DMD: variants seen among roughly 807,000 people sequenced by gnomAD.
The protein encoded by DMD is mutant dystrophin.
Under a neutral mutation model 330.1 loss-of-function variants are expected in DMD, and 63 were observed. That is an observed-to-expected ratio of 0.19 (90% CI 0.16 to 0.24). The LOEUF (loss-of-function observed/expected upper bound fraction) is 0.24. DMD is among the 10% of genes least tolerant of loss of function. The pLI, the probability that DMD is intolerant of heterozygous loss-of-function variation, is 1.00. For synonymous variants in DMD, 1,223 were observed against 959.8 expected (o/e 1.27, Z -5.07); for missense variants, 3,344 against 2,684.1 (o/e 1.25, Z -5.43).
At chrX:32,091,084 G>A (rs996377598) in intron 44 of DMD, among the ~76,000 whole-genome samples, 10 of 111,999 alleles carry the variant, frequency 8.9e-5, no homozygotes, top group South Asian at 3.7e-4. Flanking sequence ...ACACACTTGC[G>A]GCGTAGCAGC....
chrX:32,517,102 G>A (rs915919160), intron 18 of DMD: 2 of 111,210 alleles, frequency 1.8e-5, no homozygotes, highest in East Asian at 2.8e-4. Flanking sequence ...AGGTAATGTC[G>A]TATTTGTAAA....
intron 32 of DMD, among the ~76,000 whole-genome samples, chrX:32,388,923 T>C (rs1281626704): frequency 8.9e-6 from 1 of 111,805 alleles, no homozygotes; most frequent in East Asian, 2.8e-4. Context: ...ATTTATACTT[T>C]AGGCTATTTG....
At chrX:31,211,332 T>C (rs533897580) in intron 64 of DMD, among the ~76,000 whole-genome samples, 4 of 111,843 alleles carry the variant, frequency 3.6e-5, no homozygotes, top group Admixed American at 2.8e-4. Context: ...GTGCACGTAG[T>C]AGGAACACTT....
chrX:32,978,204 T>C (rs147012615), intron 2 of DMD, among the ~76,000 whole-genome samples: 1,739 of 112,088 alleles, frequency 0.016, 41 homozygotes, highest in African/African-American at 0.053. Flanking sequence ...AACACAATTA[T>C]CTTTGAAGAA....
At chrX:32,289,805 T>G (rs978165210) in intron 42 of DMD, among the ~76,000 whole-genome samples, 2 of 111,487 alleles carry the variant, frequency 1.8e-5, no homozygotes, top group Non-Finnish European at 3.8e-5. Context: ...AATTGCTGAC[T>G]CCTTTTCCCA....
chrX:32,227,893 G>A (rs1232018202), intron 43 of DMD, among the ~76,000 whole-genome samples: 1 of 110,890 alleles, frequency 9.0e-6, no homozygotes, highest in East Asian at 2.8e-4. Context: ...ATCTGTGGAG[G>A]AGGACGCTGT....
At chrX:31,228,611 G>T (rs190480532) in intron 63 of DMD, among the ~76,000 whole-genome samples, 23 of 111,943 alleles carry the variant, frequency 2.1e-4, no homozygotes, top group Non-Finnish European at 4.1e-4. Context: ...ACTGTGTAGT[G>T]AAAGTATGTA....
intron 1 of DMD, among the ~76,000 whole-genome samples, chrX:33,094,295 C>G (rs1227322443): frequency 9.0e-6 from 1 of 111,427 alleles, no homozygotes; most frequent in Non-Finnish European, 1.9e-5. Flanking sequence ...CTAATATACA[C>G]TTAAGTTCTG....
intron 43 of DMD, among the ~76,000 whole-genome samples, chrX:32,255,703 G>A (rs1320486799): frequency 8.9e-6 from 1 of 112,319 alleles, no homozygotes; most frequent in Non-Finnish European, 1.9e-5. Flanking sequence ...CCACATGGAA[G>A]TTGCAATCTC....
chrX:32,342,235 C>G lies in DMD; in HGVS notation c.5787G>C (p.Val1929=). 8.3e-7 allele frequency: 1 copy of G among 1,211,558 alleles called. No homozygotes were observed. The highest frequency in any genetic ancestry group is 1.1e-6 in the Non-Finnish European group (1 of 895,481). Residue 1929 remains valine, a synonymous_variant, in exon 41 of 79, where the codon GTG becomes GTC. Coordinates refer to ENST00000357033, the MANE Select transcript of DMD (RefSeq NM_004006.3). ...LQKKKEELNA[V]RRQAEGLSED... ...CAGACAAGCCCTCAGCTTGCCTACG[C>G]ACTGCATTCAGCTCCTCTTTCTTCT... is the stretch of plus-strand genomic sequence containing the variant.
chrX:33,203,929 T>C (rs2051420657), intron 1 of DMD, among the ~76,000 whole-genome samples: 1 of 111,558 alleles, frequency 9.0e-6, no homozygotes, highest in Non-Finnish European at 1.9e-5. Flanking sequence ...TCCACCCAGG[T>C]GTGCATTTCA....
intron 55 of DMD, among the ~76,000 whole-genome samples, chrX:31,625,903 A>C (rs1167178516): frequency 8.9e-6 from 1 of 112,014 alleles, no homozygotes; most frequent in Non-Finnish European, 1.9e-5. Flanking sequence ...TCTGCTAAAA[A>C]TAGACTAAAA....
intron 59 of DMD, among the ~76,000 whole-genome samples, chrX:31,453,255 AG>A (rs1191233485): frequency 9.0e-6 from 1 of 110,894 alleles, no homozygotes; most frequent in African/African-American, 3.3e-5. Flanking sequence ...TCCGCCTCCC[AG>A]GTTCAAGCAA....
intron 52 of DMD, among the ~76,000 whole-genome samples, chrX:31,709,714 A>G (rs1414707015): frequency 1.8e-5 from 2 of 110,509 alleles, no homozygotes. Context: ...TTTTTAAACT[A>G]TATTTTAAGA....
rs1168587346 is a variant in DMD at position 32,816,443 on chromosome X, T to C, written c.530+25A>G. ...TCTAAATCACCACTTTTACAAGTTA[T>C]TTAATGTCTCAGTAATCTTCTTACC... On this transcript the variant is annotated intron_variant, in intron 6 of 78. Coordinates refer to ENST00000357033, the MANE Select transcript of DMD (RefSeq NM_004006.3). 4 of 1,208,015 alleles carry C rather than the reference T, an allele frequency of 3.3e-6. No individual in the cohort carries two copies. The Admixed American group carries it at 6.5e-5, about 20-fold the overall frequency.
intron 55 of DMD, among the ~76,000 whole-genome samples, chrX:31,622,879 C>T (rs28519386): frequency 4.2e-3 from 305 of 72,860 alleles, no homozygotes; most frequent in African/African-American, 1.0e-2. Context: ...TATATATATA[C>T]ACACACACAC....
At chrX:32,633,973 G>C (rs947545862) in intron 11 of DMD, among the ~76,000 whole-genome samples, 1 of 111,841 alleles carries the variant, frequency 8.9e-6, no homozygotes, top group Non-Finnish European at 1.9e-5. Context: ...TTCAACGTGA[G>C]ATTTGAGCAG....
intron 44 of DMD, among the ~76,000 whole-genome samples, chrX:31,996,968 C>T (rs758859045): frequency 1.4e-4 from 16 of 111,396 alleles, no homozygotes; most frequent in Non-Finnish European, 2.8e-4. Flanking sequence ...TCATTTATAA[C>T]GTGTAAACTG....
intron 1 of DMD, among the ~76,000 whole-genome samples, chrX:33,205,196 G>A (rs1032172660): frequency 2.7e-5 from 3 of 112,527 alleles, no homozygotes; most frequent in African/African-American, 9.7e-5. Context: ...TTTGCAACAT[G>A]TGAGTCATTG....
Sources: gnomAD v4.1 joint callset for allele counts (sites outside exome capture counted in the v4.1 genomes callset) on GRCh38, gnomAD v4.1.1 for gene constraint, MANE v1.5 for transcripts, NCBI Gene and HGNC (gene_info 2026-07-23, HGNC 2026-07-21) for gene names.